FLT1: variants seen among roughly 807,000 people sequenced by gnomAD.
The protein encoded by FLT1 is vascular endothelial growth factor receptor 1.
A neutral mutation model predicts 156.3 loss-of-function variants in FLT1; 49 were observed. The observed-to-expected ratio is 0.31, with a 90% CI of 0.25 to 0.40. The LOEUF is 0.40. Among genes scored for constraint, FLT1 ranks in the 10% least tolerant of loss-of-function variants. The pLI is 1.00. For synonymous variants in FLT1, 594 were observed against 583.8 expected (o/e 1.02, Z -0.25); for missense variants, 1,322 against 1,637.2 (o/e 0.81, Z 3.32).
In FLT1 at chr13:28,322,766, G is replaced by A. The variant is rs757021105; in HGVS notation, c.2953+24C>T. 1.2e-6 allele frequency: 2 copies of A among 1,609,934 alleles called. No homozygotes were observed. The highest frequency in any genetic ancestry group is 2.2e-5 in the South Asian group (2 of 90,962). ...TGTTGTAAAAATATCTCAGCGCGTA[G>A]GACAGGAAGGAATTAATACCTACCC... On this transcript the variant is annotated intron_variant, in intron 21 of 29. Coordinates refer to ENST00000282397, the MANE Select transcript of FLT1 (RefSeq NM_002019.4). This position sits in a 1 kb window ranked among gnomAD's most constrained non-coding sequence, Gnocchi z 4.3.
intron 16 of FLT1, among the ~76,000 whole-genome samples, chr13:28,340,887 G>GT (rs5802477): frequency 0.65 from 99,566 of 152,030 alleles, 33,356 homozygotes; most frequent in East Asian, 0.8. Flanking sequence ...GTTGCCATTG[G>GT]GTTAGACTAT....
intron 13 of FLT1, chr13:28,386,918 T>C (rs74470712): frequency 0.019 from 20,249 of 1,045,594 alleles, 226 homozygotes; most frequent in Non-Finnish European, 0.022. Context: ...GCATTAAATA[T>C]GATAAAATAA....
chr13:28,409,962 T>C (rs1451903048), intron 10 of FLT1, among the ~76,000 whole-genome samples: 1 of 152,088 alleles, frequency 6.6e-6, no homozygotes, highest in Non-Finnish European at 1.5e-5. Context: ...GAATGACCAG[T>C]GCATGCACAG....
chr13:28,390,127 T>A (rs201974766), intron 12 of FLT1, 23 bp from the exon 13 acceptor site: 1 of 1,608,134 alleles, frequency 6.2e-7, no homozygotes, highest in Non-Finnish European at 8.5e-7. Context: ...AATAAAGAAC[T>A]TCAGTTCACA....
At chr13:28,490,707 C>A (rs1009044647) in intron 1 of FLT1, among the ~76,000 whole-genome samples, 1 of 152,144 alleles carries the variant, frequency 6.6e-6, no homozygotes, top group African/African-American at 2.4e-5. Flanking sequence ...TTGCTTAAAC[C>A]AAATGCCACA....
chr13:28,410,426 C>A (rs755842252), intron 10 of FLT1, among the ~76,000 whole-genome samples: 3 of 152,158 alleles, frequency 2.0e-5, no homozygotes, highest in Non-Finnish European at 2.9e-5. Flanking sequence ...TAGAAATTGC[C>A]CATCTGTTTA....
Position 28,302,165 on chromosome 13 carries a change from T to G in FLT1, c.*1002A>C, listed in dbSNP as rs1354289252. On this transcript the variant is annotated 3_prime_UTR_variant, in exon 30 of 30. Transcript: ENST00000282397. ...TCTCCTCAGGACTGCATTTTCATTC[T>G]TCTCAGCTTTCTTTCACAACTAACT... 1 of 233,202 alleles carries G rather than the reference T, an allele frequency of 4.3e-6. No homozygotes were observed. Among genetic ancestry groups the G allele is most frequent in the Non-Finnish European group, 8.5e-6 (1 of 118,046 alleles). 14.4% of individuals were successfully genotyped at this position (233,202 alleles called of 1,614,324 possible). A position where few individuals can be genotyped will look rare whatever the true frequency, so the allele number is the denominator to read the frequency against.
At position 28,318,611 on chromosome 13, in the gene FLT1, C is replaced by CT. The variant is rs1211812135; in HGVS notation, c.3286+811dup. 9.8e-5 allele frequency among the ~76,000 whole-genome samples: 15 copies of CT among 152,306 alleles called. No homozygotes were observed. The South Asian group carries it at 2.9e-3, about 29-fold the overall frequency. ...CAGGACCACTGCAGCCGCCAAGCTGCTTTCAAAGACTGGAAGCAACAGGTG... is the reference window on the plus strand; with the variant it reads ...CAGGACCACTGCAGCCGCCAAGCTGCTTTTCAAAGACTGGAAGCAACAGGTG... On this transcript the variant is annotated intron_variant, in intron 24 of 29. Coordinates refer to ENST00000282397, the MANE Select transcript of FLT1 (RefSeq NM_002019.4).
chr13:28,473,723 AAAGAAAGAAGGAAG>A (rs1880333314), intron 1 of FLT1, among the ~76,000 whole-genome samples: 1 of 85,606 alleles, frequency 1.2e-5, no homozygotes, highest in Admixed American at 1.3e-4. Context: ...AGAAAGAAAG[AAAGAAAGAAGGAAG>A]GAAGGAAGGA....
intron 12 of FLT1, among the ~76,000 whole-genome samples, chr13:28,395,633 T>C (rs1875000981): frequency 6.6e-6 from 1 of 152,258 alleles, no homozygotes; most frequent in African/African-American, 2.4e-5. Flanking sequence ...AAATGGTATT[T>C]GTGGCTTATA....
At chr13:28,465,581 G>A (rs892291832) in intron 3 of FLT1, among the ~76,000 whole-genome samples, 1 of 152,170 alleles carries the variant, frequency 6.6e-6, no homozygotes, top group Non-Finnish European at 1.5e-5. Context: ...GGTAGCTCAT[G>A]CCTGTAATCC....
intron 6 of FLT1, among the ~76,000 whole-genome samples, chr13:28,433,561 C>T (rs1039005325): frequency 6.6e-6 from 1 of 152,156 alleles, no homozygotes; most frequent in Non-Finnish European, 1.5e-5. Flanking sequence ...TTTTCTTCCA[C>T]CTAGAATCAT....
intron 14 of FLT1, among the ~76,000 whole-genome samples, chr13:28,379,113 C>G (rs55728259): frequency 0.074 from 11,272 of 152,170 alleles, 453 homozygotes; most frequent in South Asian, 0.13. Flanking sequence ...GAGGCTGAGG[C>G]AGGCAGATCA....
chr13:28,478,951 G>C (rs1880695666), intron 1 of FLT1, among the ~76,000 whole-genome samples: 1 of 152,198 alleles, frequency 6.6e-6, no homozygotes, highest in Admixed American at 6.5e-5. Context: ...TATAAAAATG[G>C]AGGAGAGATG....
At chr13:28,388,669 T>C (rs1031984922) in intron 13 of FLT1, 2 of 1,056,006 alleles carry the variant, frequency 1.9e-6, no homozygotes, top group South Asian at 4.6e-5. Flanking sequence ...TTAATCCCCA[T>C]AAAAATCCTA....
intron 14 of FLT1, among the ~76,000 whole-genome samples, chr13:28,363,249 C>T (rs1441526030): frequency 6.6e-6 from 1 of 152,130 alleles, no homozygotes; most frequent in Non-Finnish European, 1.5e-5. Context: ...TGAGCACTTT[C>T]AAAAATGTTA....
intron 14 of FLT1, among the ~76,000 whole-genome samples, chr13:28,381,991 G>C (rs748279357): frequency 1.3e-5 from 2 of 152,096 alleles, no homozygotes; most frequent in African/African-American, 4.8e-5. Context: ...ACATAAATAA[G>C]ACAAATAAGA....
At chr13:28,444,431 A>T (rs1878499443) in intron 3 of FLT1, among the ~76,000 whole-genome samples, 1 of 151,986 alleles carries the variant, frequency 6.6e-6, no homozygotes, top group African/African-American at 2.4e-5. Context: ...ACACAGCAAG[A>T]CTCCACTTAA....
intron 6 of FLT1, 84 bp from the exon 7 acceptor site, chr13:28,431,394 T>C (rs985634937): frequency 1.0e-6 from 1 of 982,258 alleles, no homozygotes; most frequent in Non-Finnish European, 1.6e-6. Context: ...TCTTAGATCA[T>C]TAGTTCGACA....
Sources: allele counts gnomAD v4.1 joint callset (sites outside exome capture counted in the v4.1 genomes callset), GRCh38; gene constraint gnomAD v4.1.1; non-coding constraint Gnocchi (gnomAD v3.1); transcripts MANE v1.5; gene names NCBI Gene and HGNC (gene_info 2026-07-23, HGNC 2026-07-21).